The following PLPPR1 variants were observed in gnomAD, a reference collection of about 807,000 sequenced individuals.
PLPPR1 encodes the protein phospholipid phosphatase-related protein type 1.
PLPPR1 carries 10 observed loss-of-function variants against 33.1 expected under a neutral mutation model. That is an observed-to-expected ratio of 0.30 (90% CI 0.19 to 0.51). The LOEUF (loss-of-function observed/expected upper bound fraction) is 0.51. Among genes scored for constraint, PLPPR1 ranks in the 20% least tolerant of loss-of-function variants. PLPPR1 has a pLI of 0.97. For missense variants in PLPPR1, 304 were observed against 408.1 expected, an observed-to-expected ratio of 0.74 and a Z score of 2.20; for synonymous variants, 151 against 151.0, an observed-to-expected ratio of 1.00 and a Z score of 0.00.
intron 1 of PLPPR1, among the ~76,000 whole-genome samples, chr9:101,083,205 C>A (rs1341868428): frequency 6.6e-6 from 1 of 151,876 alleles, no homozygotes; most frequent in Non-Finnish European, 1.5e-5. Context: ...GTTACCCAGG[C>A]TGGAGTGCAG....
intron 1 of PLPPR1, among the ~76,000 whole-genome samples, chr9:101,100,908 A>G (rs1259979164): frequency 6.6e-6 from 1 of 152,152 alleles, no homozygotes; most frequent in Non-Finnish European, 1.5e-5. Context: ...TAACATAGCT[A>G]AACAGTGGGA....
chr9:101,177,406 C>A (rs1203836188), intron 1 of PLPPR1, among the ~76,000 whole-genome samples: 5 of 152,024 alleles, frequency 3.3e-5, no homozygotes, highest in African/African-American at 1.2e-4. Context: ...CTTTTTCAGA[C>A]AGTTCATTGT....
intron 1 of PLPPR1, among the ~76,000 whole-genome samples, chr9:101,039,539 T>A (rs1177546364): frequency 1.3e-5 from 2 of 152,164 alleles, no homozygotes; most frequent in Non-Finnish European, 2.9e-5. Flanking sequence ...ACACTCTTCT[T>A]ACCTTCTGTA....
At chr9:101,244,336 G>A (rs577238751) in intron 2 of PLPPR1, among the ~76,000 whole-genome samples, 1 of 151,940 alleles carries the variant, frequency 6.6e-6, no homozygotes, top group Non-Finnish European at 1.5e-5. Flanking sequence ...GTTGAGATAT[G>A]TTCAGAAGCA....
chr9:101,093,621 T>C (rs1830777661), intron 1 of PLPPR1, among the ~76,000 whole-genome samples: 1 of 152,170 alleles, frequency 6.6e-6, no homozygotes, highest in South Asian at 2.1e-4. Context: ...GTTCTTCTAC[T>C]TTAACTTTAA....
intron 4 of PLPPR1, among the ~76,000 whole-genome samples, chr9:101,286,476 C>T (rs1012684905): frequency 5.9e-5 from 9 of 152,128 alleles, no homozygotes; most frequent in Non-Finnish European, 7.4e-5. Flanking sequence ...TTCCCCTGGA[C>T]GTATGTTTTA....
chr9:101,160,244 C>T (rs933953356), intron 1 of PLPPR1, among the ~76,000 whole-genome samples: 3 of 152,106 alleles, frequency 2.0e-5, no homozygotes, highest in Non-Finnish European at 4.4e-5. Context: ...AATAATTTTT[C>T]CTTAGTTGCT....
intron 1 of PLPPR1, among the ~76,000 whole-genome samples, chr9:101,095,470 A>ATTTT (rs1830805522): frequency 2.6e-5 from 4 of 152,128 alleles, no homozygotes; most frequent in African/African-American, 9.7e-5. Flanking sequence ...TCCAAACCTT[A>ATTTT]CCTGCATGTA....
At chr9:101,174,450 A>G (rs1373480050) in intron 1 of PLPPR1, among the ~76,000 whole-genome samples, 2 of 152,170 alleles carry the variant, frequency 1.3e-5, no homozygotes, top group Non-Finnish European at 2.9e-5. Context: ...GACCACTAGC[A>G]ATTTAACTGA....
At chr9:101,235,737 A>T (rs1256638235) in intron 2 of PLPPR1, among the ~76,000 whole-genome samples, 1 of 151,794 alleles carries the variant, frequency 6.6e-6, no homozygotes, top group African/African-American at 2.4e-5. Flanking sequence ...AGAAAATGAG[A>T]ACATAAACCT....
At chr9:101,229,601 T>TA (rs1038528293) in intron 2 of PLPPR1, among the ~76,000 whole-genome samples, 1 of 152,102 alleles carries the variant, frequency 6.6e-6, no homozygotes, top group Non-Finnish European at 1.5e-5. Flanking sequence ...ATCTTTATAA[T>TA]AAAAAAGGGC....
chr9:101,039,238 A>C (rs1830047297), intron 1 of PLPPR1, among the ~76,000 whole-genome samples: 1 of 152,130 alleles, frequency 6.6e-6, no homozygotes, highest in Non-Finnish European at 1.5e-5. Flanking sequence ...TTCTAGGCTG[A>C]GCTCTGCCAT....
chr9:101,077,419 T>G (rs906454781), intron 1 of PLPPR1, among the ~76,000 whole-genome samples: 1 of 152,204 alleles, frequency 6.6e-6, no homozygotes, highest in Admixed American at 6.5e-5. Context: ...TGTTTTCTTT[T>G]TTTTCATGTA....
At chr9:101,247,630 C>T (rs535379826) in intron 2 of PLPPR1, among the ~76,000 whole-genome samples, 58 of 152,066 alleles carry the variant, frequency 3.8e-4, no homozygotes, top group Non-Finnish European at 7.9e-4. Flanking sequence ...CTGAATCTTG[C>T]CTTTCACCCA....
chr9:101,248,348 G>A (rs1187446908), intron 2 of PLPPR1, among the ~76,000 whole-genome samples: 1 of 152,064 alleles, frequency 6.6e-6, no homozygotes, highest in East Asian at 1.9e-4. Context: ...TGCTCTAAAT[G>A]TATCTTACAA....
intron 1 of PLPPR1, among the ~76,000 whole-genome samples, chr9:101,121,008 A>G (rs1442624200): frequency 1.3e-5 from 2 of 152,170 alleles, no homozygotes; most frequent in Non-Finnish European, 2.9e-5. Context: ...GTGAACTATA[A>G]TCCTGGGGGT....
intron 1 of PLPPR1, among the ~76,000 whole-genome samples, chr9:101,111,876 A>G (rs1256092645): frequency 6.6e-6 from 1 of 152,192 alleles, no homozygotes; most frequent in Non-Finnish European, 1.5e-5. Flanking sequence ...AGAAAGGCAT[A>G]TAAATATTAG....
intron 1 of PLPPR1, among the ~76,000 whole-genome samples, chr9:101,057,717 T>C (rs1274275264): frequency 6.6e-6 from 1 of 152,160 alleles, no homozygotes; most frequent in Non-Finnish European, 1.5e-5. Flanking sequence ...GATATTATCT[T>C]AGTAAATAAG....
chr9:101,322,793 A>C (rs893360672), intron 7 of PLPPR1, among the ~76,000 whole-genome samples: 1 of 152,202 alleles, frequency 6.6e-6, no homozygotes, highest in African/African-American at 2.4e-5. Flanking sequence ...GCAAACAAAA[A>C]TAGTAAGGAT....
Sources: allele counts gnomAD v4.1 joint callset (sites outside exome capture counted in the v4.1 genomes callset), GRCh38; gene constraint gnomAD v4.1.1; transcripts MANE v1.5; gene names NCBI Gene and HGNC (gene_info 2026-07-23, HGNC 2026-07-21).